Variants in ELF1 observed in about 807,000 individuals in gnomAD.
The protein encoded by ELF1 is ETS-related transcription factor Elf-1.
Under a neutral mutation model 59.9 loss-of-function variants are expected in ELF1, and 24 were observed. The ratio of observed to expected loss-of-function variants is 0.40; its 90% CI spans 0.29 to 0.56. The LOEUF (loss-of-function observed/expected upper bound fraction) is 0.56, where lower values mean the gene tolerates loss of function less well. ELF1 is among the 20% of genes least tolerant of loss of function. The pLI is 0.44. For missense variants in ELF1, 627 were observed against 742.2 expected (o/e 0.84, Z 1.80); for synonymous variants, 248 against 266.2 (o/e 0.93, Z 0.67).
At chr13:40,996,157 C>A (rs1282333384) in intron 1 of ELF1, among the ~76,000 whole-genome samples, 2 of 152,142 alleles carry the variant, frequency 1.3e-5, no homozygotes, top group East Asian at 1.9e-4. Flanking sequence ...AAATCCAGAA[C>A]ACTGACAACA....
At chr13:40,937,973 T>C (rs2138114311) in intron 8 of ELF1, among the ~76,000 whole-genome samples, 1 of 152,030 alleles carries the variant, frequency 6.6e-6, no homozygotes, top group East Asian at 1.9e-4. Flanking sequence ...CCTGCCACCA[T>C]ACCCAGCTAA....
intron 2 of ELF1, among the ~76,000 whole-genome samples, chr13:40,981,266 A>G (rs906873622): frequency 1.3e-5 from 2 of 151,976 alleles, no homozygotes; most frequent in Non-Finnish European, 2.9e-5. Flanking sequence ...CATTCCCTAT[A>G]TAACTTGTTT....
intron 1 of ELF1, among the ~76,000 whole-genome samples, chr13:41,053,015 A>T (rs7320855): frequency 6.6e-6 from 1 of 152,202 alleles, no homozygotes; most frequent in Non-Finnish European, 1.5e-5. Flanking sequence ...AGTTTATTGC[A>T]TTTGTCACAC....
intron 2 of ELF1, among the ~76,000 whole-genome samples, chr13:40,965,353 G>A (rs935135763): frequency 6.6e-6 from 1 of 152,174 alleles, no homozygotes; most frequent in Non-Finnish European, 1.5e-5. Flanking sequence ...CGGGTGCAGT[G>A]GCTCACACCT....
intron 1 of ELF1, among the ~76,000 whole-genome samples, chr13:40,991,082 A>C (rs1204740801): frequency 2.0e-5 from 3 of 152,144 alleles, no homozygotes; most frequent in Non-Finnish European, 4.4e-5. Flanking sequence ...AGTCATGAGG[A>C]AAACATCAGA....
chr13:41,048,479 T>C (rs1876952552), intron 1 of ELF1, among the ~76,000 whole-genome samples: 2 of 152,130 alleles, frequency 1.3e-5, no homozygotes, highest in South Asian at 2.1e-4. Context: ...AGTGCAGTGG[T>C]ACAAACACAG....
At chr13:41,010,133 T>C (rs1253258469) in intron 1 of ELF1, among the ~76,000 whole-genome samples, 3 of 150,314 alleles carry the variant, frequency 2.0e-5, no homozygotes, top group Non-Finnish European at 4.4e-5. Flanking sequence ...GGGCCAAGCA[T>C]GGTGGCTCAT....
chr13:40,982,840 A>C lies in ELF1; in HGVS notation c.-228-558T>G, dbSNP rs561765899. On this transcript the variant is annotated intron_variant, in intron 1 of 8. Transcript: ENST00000239882. The stretch of plus-strand genomic sequence containing the variant: ...TCTTTAAAAAGGCTTCTGATAAGTA[A>C]AATGTTTTAAAAATTACCATGCTTA... 1,166 of 984,242 alleles carry C rather than the reference A, an allele frequency of 1.2e-3. 1 individual carries two copies. Among genetic ancestry groups the C allele is most frequent in the Non-Finnish European group, 1.3e-3 (1,113 of 828,814 alleles). 61.0% of individuals were successfully genotyped at this position (984,242 alleles called of 1,614,324 possible).
Position 41,028,178 on chromosome 13 carries a change from A to G in ELF1, c.-229+32660T>C, listed in dbSNP as rs1285855864. Among the ~76,000 whole-genome samples, 3 of 152,306 alleles carry G rather than the reference A, an allele frequency of 2.0e-5. No individual in the cohort carries two copies. In the South Asian group the frequency reaches 6.2e-4, roughly 32 times the overall value. On this transcript the variant is annotated intron_variant, in intron 1 of 1. Transcript: ENST00000405737. ...CACAATAATGATTCCATGGAACTGG[A>G]GTCAAAACTACCATCCAGCCACTTT... is the stretch of plus-strand genomic sequence containing the variant.
chr13:41,051,998 T>C lies in ELF1; in HGVS notation c.-229+8840A>G, dbSNP rs571787006. 1.6e-4 allele frequency among the ~76,000 whole-genome samples: 23 copies of C among 147,630 alleles called. No individual in the cohort carries two copies. In the South Asian group the frequency reaches 5.1e-3, roughly 32 times the overall value. ...GTCTGTCGCCCAGGCTAGAGTGCAATGGCATGATATCGACTCACTGCAACC... is the reference window on the plus strand; with the variant it reads ...GTCTGTCGCCCAGGCTAGAGTGCAACGGCATGATATCGACTCACTGCAACC... On this transcript the variant is annotated intron_variant, in intron 1 of 1. Transcript: ENST00000405737.
chr13:41,025,924 C>T (rs1362604408), intron 1 of ELF1, among the ~76,000 whole-genome samples: 2 of 152,256 alleles, frequency 1.3e-5, no homozygotes, highest in Middle Eastern at 3.4e-3. Context: ...TTCCCCCATA[C>T]CTGTCCATGA....
intron 1 of ELF1, among the ~76,000 whole-genome samples, chr13:41,055,230 G>T (rs1877240942): frequency 2.0e-5 from 3 of 152,062 alleles, no homozygotes; most frequent in Non-Finnish European, 2.9e-5. Context: ...TAGGCATCAG[G>T]AGGATAGTAA....
chr13:41,031,137 TGAA>T (rs1488265781), intron 1 of ELF1, among the ~76,000 whole-genome samples: 21 of 148,496 alleles, frequency 1.4e-4, no homozygotes, highest in African/African-American at 5.2e-4. Flanking sequence ...ACAGCCTGGG[TGAA>T]AGAGTGAGAC....
chr13:41,001,187 G>A (rs922294883), intron 1 of ELF1, among the ~76,000 whole-genome samples: 1 of 152,080 alleles, frequency 6.6e-6, no homozygotes, highest in African/African-American at 2.4e-5. Flanking sequence ...ATGTTGGCCA[G>A]GCTGGTCTTG....
chr13:41,060,971 C>A, exon 1 of ELF1: 1 of 315,004 alleles, frequency 3.2e-6, no homozygotes, highest in Non-Finnish European at 6.4e-6. Context: ...CGCTCCCGAG[C>A]TAGGGAACAA....
At chr13:40,973,703 G>A (rs1665980722) in intron 2 of ELF1, among the ~76,000 whole-genome samples, 1 of 151,572 alleles carries the variant, frequency 6.6e-6, no homozygotes, top group Non-Finnish European at 1.5e-5. Flanking sequence ...GGGAGAAGAC[G>A]TTGCCAACTC....
intron 2 of ELF1, among the ~76,000 whole-genome samples, chr13:40,961,943 T>C (rs1871848131): frequency 6.6e-6 from 1 of 152,220 alleles, no homozygotes. Context: ...CCAAATCTAT[T>C]TGGCTCCTGT....
chr13:41,045,485 T>C (rs1024944437), intron 1 of ELF1, among the ~76,000 whole-genome samples: 1 of 152,228 alleles, frequency 6.6e-6, no homozygotes, highest in Non-Finnish European at 1.5e-5. Context: ...TTCTGGTATG[T>C]TGTGTCTTTG....
chr13:40,978,532 A>G (rs963710348), intron 2 of ELF1, among the ~76,000 whole-genome samples: 33 of 152,088 alleles, frequency 2.2e-4, no homozygotes, highest in Non-Finnish European at 3.5e-4. Context: ...ATTTTATTAA[A>G]AACATTTAAA....
Sources: gnomAD v4.1 joint callset for allele counts (sites outside exome capture counted in the v4.1 genomes callset) on GRCh38, gnomAD v4.1.1 for gene constraint, MANE v1.5 for transcripts, NCBI Gene and HGNC (gene_info 2026-07-23, HGNC 2026-07-21) for gene names.